Variants in MYO9A observed in about 807,000 individuals in gnomAD.
MYO9A encodes myosin IXA.
In MYO9A, 103 loss-of-function variants were observed where a neutral mutation model predicts 293.3. The ratio of observed to expected loss-of-function variants is 0.35; its 90% CI spans 0.30 to 0.41. The LOEUF is 0.41. MYO9A is among the 10% of genes least tolerant of loss of function. The pLI, the probability that MYO9A is intolerant of heterozygous loss-of-function variation, is 1.00. For missense variants in MYO9A, 2,685 were observed against 3,033.0 expected, an observed-to-expected ratio of 0.89 and a Z score of 2.69; for synonymous variants, 1,001 against 1,035.7, an observed-to-expected ratio of 0.97 and a Z score of 0.64.
chr15:72,066,220 G>A (rs1195788044), intron 1 of MYO9A, among the ~76,000 whole-genome samples: 1 of 152,198 alleles, frequency 6.6e-6, no homozygotes, highest in Non-Finnish European at 1.5e-5. Context: ...CAAGTGTGGT[G>A]GCTCACGCCT....
intron 1 of MYO9A, among the ~76,000 whole-genome samples, chr15:72,107,486 T>G (rs1692551054): frequency 6.6e-6 from 1 of 152,144 alleles, no homozygotes; most frequent in African/African-American, 2.4e-5. Flanking sequence ...GAGGCAGAAG[T>G]TGCAGTGAGC....
intron 14 of MYO9A, among the ~76,000 whole-genome samples, chr15:71,955,579 C>T (rs546183057): frequency 3.3e-5 from 5 of 152,178 alleles, no homozygotes; most frequent in Admixed American, 1.3e-4. Context: ...AGGAGTATAT[C>T]ACAATTTGGT....
rs1376849676 is a variant in MYO9A at position 72,050,077 on chromosome 15, T to A, written c.-71-3443A>T. ...TGCTCCTTCCTGAAACAGAAGTGTT[T>A]ACCTTTTTTGAGTCCTAGTTTTGTC... On this transcript the variant is annotated intron_variant, in intron 1 of 41. Coordinates refer to ENST00000356056, the MANE Select transcript of MYO9A (RefSeq NM_006901.4). Among the ~76,000 whole-genome samples, 4 of 152,354 alleles carry A rather than the reference T, an allele frequency of 2.6e-5. No homozygotes were observed. The South Asian group carries it at 8.3e-4, about 32-fold the overall frequency.
At chr15:71,974,558 GTGGTCC>G (rs1286448691) in intron 12 of MYO9A, among the ~76,000 whole-genome samples, 4 of 152,210 alleles carry the variant, frequency 2.6e-5, no homozygotes, top group African/African-American at 4.8e-5. Context: ...ACCAGATGCA[GTGGTCC>G]TAGGACAAGG....
At chr15:72,111,638 A>ATT (rs11286964) in intron 1 of MYO9A, among the ~76,000 whole-genome samples, 11 of 135,514 alleles carry the variant, frequency 8.1e-5, no homozygotes, top group East Asian at 6.2e-4. Context: ...ATTACCCCCA[A>ATT]TTTTTTTTTT....
chr15:71,968,465 A>T (rs1213311042), intron 12 of MYO9A, among the ~76,000 whole-genome samples: 1 of 152,186 alleles, frequency 6.6e-6, no homozygotes, highest in Non-Finnish European at 1.5e-5. Flanking sequence ...AATCCAAATC[A>T]TATACTCTTT....
chr15:71,939,141 T>C (rs1596242876), intron 15 of MYO9A: 1 of 478,536 alleles, frequency 2.1e-6, no homozygotes, highest in African/African-American at 2.0e-5. Context: ...AATATTTTCT[T>C]CTTTCATTGA....
intron 18 of MYO9A, among the ~76,000 whole-genome samples, chr15:71,926,474 C>T (rs920393977): frequency 5.3e-5 from 8 of 151,966 alleles, no homozygotes; most frequent in African/African-American, 1.9e-4. Context: ...TTTGGGAGGC[C>T]GAGGCAGAAA....
intron 1 of MYO9A, among the ~76,000 whole-genome samples, chr15:72,091,219 T>C (rs894653322): frequency 3.3e-5 from 5 of 151,778 alleles, no homozygotes; most frequent in African/African-American, 1.2e-4. Flanking sequence ...AAAGTCAACT[T>C]TCATACCTAT....
intron 18 of MYO9A, among the ~76,000 whole-genome samples, chr15:71,933,447 G>A (rs2058536988): frequency 6.6e-6 from 1 of 152,010 alleles, no homozygotes; most frequent in Non-Finnish European, 1.5e-5. Flanking sequence ...CTATTAAAAC[G>A]CTAGAAAATG....
At chr15:71,860,081 T>TC (rs955658846) in intron 33 of MYO9A, among the ~76,000 whole-genome samples, 7 of 152,182 alleles carry the variant, frequency 4.6e-5, no homozygotes, top group Non-Finnish European at 7.4e-5. Flanking sequence ...ACAGTACCAC[T>TC]CCCCAACAAA....
intron 35 of MYO9A, among the ~76,000 whole-genome samples, chr15:71,853,994 C>T (rs747516779): frequency 2.0e-5 from 3 of 152,022 alleles, no homozygotes; most frequent in Non-Finnish European, 2.9e-5. Flanking sequence ...TAATAATATC[C>T]CTAATTCATA....
chr15:71,839,101 CCCTTTTT>C (rs2055048884), intron 39 of MYO9A, among the ~76,000 whole-genome samples: 1 of 152,132 alleles, frequency 6.6e-6, no homozygotes, highest in African/African-American at 2.4e-5. Flanking sequence ...CTCCCCTTTT[CCCTTTTT>C]ATTTGCACTT....
chr15:71,910,344 G>A (rs2057811553), intron 19 of MYO9A, among the ~76,000 whole-genome samples: 7 of 151,338 alleles, frequency 4.6e-5, no homozygotes, highest in Admixed American at 4.0e-4. Context: ...AAGTTCATAT[G>A]AATGGAAAAA....
Position 71,935,343 on chromosome 15 carries a change from G to C in MYO9A, c.2520C>G (p.Leu840=). The C allele has an allele frequency of 6.2e-7, 1 of 1,613,022 alleles. No individual in the cohort carries two copies. The highest frequency in any genetic ancestry group is 8.5e-7 in the Non-Finnish European group (1 of 1,179,366). The change falls in exon 17 of 42, where the codon CTC becomes CTG. Residue 840 remains leucine (L), a splice_region_variant and synonymous_variant. Coordinates refer to ENST00000356056, the MANE Select transcript of MYO9A (RefSeq NM_006901.4). The part of the protein sequence containing the change: ...SKLLERAHGI[L]TRNKNFKSKP... ...TTACATTACTGATTAGTACTGACGT[G>C]AGAATTCCATGGGCTCTCTCCAGGA...
chr15:72,082,591 A>C (rs1177838048), intron 1 of MYO9A, among the ~76,000 whole-genome samples: 1 of 152,032 alleles, frequency 6.6e-6, no homozygotes, highest in Non-Finnish European at 1.5e-5. Context: ...TGAATTAGGC[A>C]GTGATGGAGG....
In MYO9A at chr15:71,852,213, T is replaced by A. The variant is rs1227252142; in HGVS notation, c.6394A>T (p.Ser2132Cys). 6.2e-7 allele frequency: 1 copy of A among 1,612,620 alleles called. No individual in the cohort carries two copies. Among genetic ancestry groups the A allele is most frequent in the Non-Finnish European group, 8.5e-7 (1 of 1,178,776 alleles). ...TCTCGAAGCCATTGTTTGAATACACTTGCAATGACGTGTATGTTATAGTCA... is the reference window on the plus strand; with the variant it reads ...TCTCGAAGCCATTGTTTGAATACACATGCAATGACGTGTATGTTATAGTCA... Reference protein sequence around the residue: ...LDDYNIHVIASVFKQWLRDLP... With the variant: ...LDDYNIHVIACVFKQWLRDLP... The change falls in exon 36 of 42, where the codon AGT becomes TGT. Residue 2132 changes from serine to cysteine, a missense_variant. Ser to Cys is a moderately radical substitution (Grantham distance 112, BLOSUM62 -1). Transcript: ENST00000356056.
At chr15:71,871,562 T>C (rs983893906) in intron 32 of MYO9A, among the ~76,000 whole-genome samples, 1 of 151,510 alleles carries the variant, frequency 6.6e-6, no homozygotes, top group African/African-American at 2.4e-5. Context: ...CTAGGCATGG[T>C]GGTGCACTAC....
chr15:71,893,012 C>G, intron 26 of MYO9A: 2 of 1,289,774 alleles, frequency 1.6e-6, no homozygotes, highest in Non-Finnish European at 2.0e-6. Context: ...GGTGCAGGCC[C>G]TAGCTCACAG....
Sources: allele counts gnomAD v4.1 joint callset (sites outside exome capture counted in the v4.1 genomes callset), GRCh38; gene constraint gnomAD v4.1.1; transcripts MANE v1.5; gene names NCBI Gene and HGNC (gene_info 2026-07-23, HGNC 2026-07-21).